SRC: variants seen among roughly 807,000 people sequenced by gnomAD.
SRC encodes SRC proto-oncogene, non-receptor tyrosine kinase.
In SRC, 13 loss-of-function variants were observed where a neutral mutation model predicts 62.9. The ratio of observed to expected loss-of-function variants is 0.21; its 90% CI spans 0.13 to 0.33. The LOEUF is 0.33. Ranked by LOEUF, SRC falls within the 10% of genes least tolerant of loss-of-function variation. The probability of loss-of-function intolerance (pLI) is 1.00; values close to 1 mark genes in which losing one functional copy is unlikely to be tolerated. For synonymous variants in SRC, 302 were observed against 317.5 expected (o/e 0.95, Z 0.52); for missense variants, 457 against 737.3 (o/e 0.62, Z 4.40).
At chr20:37,400,341 G>A (rs778107079) in intron 10 of SRC, 47 bp downstream of exon 10, 3 of 1,515,630 alleles carry the variant, frequency 2.0e-6, no homozygotes, top group Non-Finnish European at 8.9e-7. Flanking sequence ...CTCCGGACAG[G>A]GCAGGGAGCA....
At chr20:37,368,518 C>CTTTTTTTTTG (rs2070101694) in intron 2 of SRC, among the ~76,000 whole-genome samples, 1 of 73,898 alleles carries the variant, frequency 1.4e-5, no homozygotes. Context: ...CCTATATTTT[C>CTTTTTTTTTG]TTTTTTTTTT....
In SRC at chr20:37,397,405, C is replaced by CT. The variant is rs2070669586; in HGVS notation, c.704-293dup. 6.6e-6 allele frequency among the ~76,000 whole-genome samples: 1 copy of CT among 152,206 alleles called. No individual in the cohort carries two copies. The highest frequency in any genetic ancestry group is 2.1e-4 in the South Asian group (1 of 4,834). On this transcript the variant is annotated intron_variant, in intron 8 of 13. Transcript: ENST00000373578. This position sits in a 1 kb window ranked among gnomAD's most constrained non-coding sequence, Gnocchi z 4.1. Reference sequence around the variant, plus strand: ...GGGAAGTGGGGCTCCTCCCTGGACTCTGAGTTCCTGAGGGCAGGTTCCCTG... The same window carrying CT: ...GGGAAGTGGGGCTCCTCCCTGGACTCTTGAGTTCCTGAGGGCAGGTTCCCTG...
Position 37,405,676 on chromosome 20 carries a change from C to T in SRC, c.*2297C>T. 6.3e-6 allele frequency: 1 copy of T among 157,928 alleles called. No individual in the cohort carries two copies. 9.8% of individuals were successfully genotyped at this position (157,928 alleles called of 1,614,324 possible). A position where few individuals can be genotyped will look rare whatever the true frequency, so the allele number is the denominator to read the frequency against. ...AGGACTTCCCTGAGCATGACAAGTT[C>T]AGGACTCAAATGTCCGTGGTGGATG... On this transcript the variant is annotated 3_prime_UTR_variant, in exon 14 of 14. Coordinates refer to ENST00000373578, the MANE Select transcript of SRC (RefSeq NM_198291.3).
intron 1 of SRC, among the ~76,000 whole-genome samples, chr20:37,362,389 T>C (rs6018027): frequency 0.42 from 63,670 of 151,950 alleles, 18,108 homozygotes; most frequent in African/African-American, 0.81. Context: ...AAGCCTTCCA[T>C]TCAGCCACGT....
chr20:37,379,589 T>G (rs1037372502), intron 2 of SRC, among the ~76,000 whole-genome samples: 2 of 151,654 alleles, frequency 1.3e-5, no homozygotes, highest in African/African-American at 4.8e-5. Context: ...CCGGGAGTGG[T>G]GGCACTCACC....
chr20:37,364,368 G>A (rs1403999297), intron 1 of SRC, among the ~76,000 whole-genome samples: 2 of 152,178 alleles, frequency 1.3e-5, no homozygotes, highest in Non-Finnish European at 2.9e-5. Context: ...GAGCTCGTAA[G>A]CATGGTGCCC....
At chr20:37,372,139 C>A (rs1209595608) in intron 2 of SRC, among the ~76,000 whole-genome samples, 5 of 151,932 alleles carry the variant, frequency 3.3e-5, no homozygotes, top group Non-Finnish European at 7.4e-5. Context: ...CTGGGACTAC[C>A]GGCAGGTGCC....
intron 7 of SRC, among the ~76,000 whole-genome samples, chr20:37,394,600 G>A (rs1023019429): frequency 1.3e-5 from 2 of 152,072 alleles, no homozygotes; most frequent in African/African-American, 2.4e-5. Flanking sequence ...AATGAGCCCC[G>A]CTTCTTCCTC....
Position 37,404,256 on chromosome 20 carries a change from C to T in SRC, c.*877C>T, listed in dbSNP as rs1779338447. 4.3e-6 allele frequency: 1 copy of T among 233,636 alleles called. No individual in the cohort carries two copies. Among genetic ancestry groups the T allele is most frequent in the Non-Finnish European group, 8.5e-6 (1 of 118,050 alleles). 14.5% of individuals were successfully genotyped at this position (233,636 alleles called of 1,614,324 possible). A position where few individuals can be genotyped will look rare whatever the true frequency, so the allele number is the denominator to read the frequency against. On this transcript the variant is annotated 3_prime_UTR_variant, in exon 14 of 14. Transcript: ENST00000373578. Reference sequence around the variant, plus strand: ...ATTCCCACTGCCGCTGCCCGCTCAGCCCAGCTGTTGGGAACAGCATGGAGG... The same window carrying T: ...ATTCCCACTGCCGCTGCCCGCTCAGTCCAGCTGTTGGGAACAGCATGGAGG...
chr20:37,381,053 C>T lies in SRC; in HGVS notation c.-172-1566C>T, dbSNP rs781423099. ...TAGAGAGGAAAACTGAGGCGAAGGG[C>T]GGCCGGCCAGGATTCAAACCAGGGA... On this transcript the variant is annotated intron_variant, in intron 2 of 13. Coordinates refer to ENST00000373578, the MANE Select transcript of SRC (RefSeq NM_198291.3). 3.3e-5 allele frequency among the ~76,000 whole-genome samples: 5 copies of T among 152,066 alleles called. No homozygotes were observed. In the South Asian group the frequency reaches 6.2e-4, roughly 19 times the overall value.
chr20:37,366,815 A>G (rs1202233488), intron 2 of SRC, among the ~76,000 whole-genome samples: 1 of 152,150 alleles, frequency 6.6e-6, no homozygotes, highest in Non-Finnish European at 1.5e-5. Context: ...TATTATGGGT[A>G]ATGCTGTTCT....
intron 1 of SRC, among the ~76,000 whole-genome samples, chr20:37,348,728 G>A (rs538157542): frequency 6.6e-5 from 10 of 152,266 alleles, no homozygotes; most frequent in Non-Finnish European, 1.3e-4. Context: ...GAATCTGGAG[G>A]GTGAGCAAAG....
At chr20:37,362,331 G>T (rs2069987541) in intron 1 of SRC, among the ~76,000 whole-genome samples, 1 of 152,094 alleles carries the variant, frequency 6.6e-6, no homozygotes, top group Admixed American at 6.6e-5. Flanking sequence ...GAGTCACTGG[G>T]ATTACAGGTG....
Position 37,396,273 on chromosome 20 carries a change from A to G in SRC, c.665A>G (p.Gln222Arg). The stretch of plus-strand genomic sequence containing the variant: ...GGCTTCTACATCACCTCCCGCACCC[A>G]GTTCAACAGCCTGCAGCAGCTGGTG... ...SGGFYITSRT[Q>R]FNSLQQLVAY... is the part of the protein sequence containing the mutation. Residue 222 changes from glutamine (Q) to arginine (R), a missense_variant, in exon 8 of 14, where the codon CAG becomes CGG. Gln to Arg is a conservative substitution (Grantham distance 43, BLOSUM62 1). Transcript: ENST00000373578. The surrounding 1 kb of genome is among the most constrained non-coding windows in gnomAD (Gnocchi z 6.1). 2 of 1,613,762 alleles carry G rather than the reference A, an allele frequency of 1.2e-6. No individual in the cohort carries two copies. The highest frequency in any genetic ancestry group is 1.7e-6 in the Non-Finnish European group (2 of 1,179,948).
chr20:37,385,700 A>G (rs1406718562), intron 4 of SRC, among the ~76,000 whole-genome samples: 1 of 152,192 alleles, frequency 6.6e-6, no homozygotes, highest in African/African-American at 2.4e-5. Context: ...CCTTCAGCCT[A>G]TAGCTCTTTC....
Position 37,402,178 on chromosome 20 carries a change from C to T in SRC, c.1117-257C>T. 1 of 445,752 alleles carries T rather than the reference C, an allele frequency of 2.2e-6. No homozygotes were observed. The highest frequency in any genetic ancestry group is 4.0e-6 in the Non-Finnish European group (1 of 251,070). The allele number at this position is 445,752 out of a possible 1,614,324, so 27.6% of individuals were successfully genotyped here. A position where few individuals can be genotyped will look rare whatever the true frequency, so the allele number is the denominator to read the frequency against. ...CTCTTTCCCTGGTCACCTCGCTTTCCTGGCTGCATCGGATCTCGTGCCTCC... is the reference window on the plus strand; with the variant it reads ...CTCTTTCCCTGGTCACCTCGCTTTCTTGGCTGCATCGGATCTCGTGCCTCC... On this transcript the variant is annotated intron_variant, in intron 11 of 13. Transcript: ENST00000373578. The surrounding 1 kb of genome is among the most constrained non-coding windows in gnomAD (Gnocchi z 6.2).
At position 37,398,577 on chromosome 20, in the gene SRC, G is replaced by GC. The variant is rs1204226279; in HGVS notation, c.859+724dup. ...CCCTCCAGAGGGCTGATGGAGGAGA[G>GC]CAGAGCGGCCTCCTGGGTGGAAGGC... On this transcript the variant is annotated intron_variant, in intron 9 of 13. Coordinates refer to ENST00000373578, the MANE Select transcript of SRC (RefSeq NM_198291.3). This position sits in a 1 kb window ranked among gnomAD's most constrained non-coding sequence, Gnocchi z 5.2. Among the ~76,000 whole-genome samples, 2 of 152,226 alleles carry GC rather than the reference G, an allele frequency of 1.3e-5. No homozygotes were observed. Among genetic ancestry groups the GC allele is most frequent in the African/African-American group, 4.8e-5 (2 of 41,460 alleles).
chr20:37,345,815 G>A (rs2069707356), upstream of SRC, among the ~76,000 whole-genome samples: 1 of 152,066 alleles, frequency 6.6e-6, no homozygotes, highest in Non-Finnish European at 1.5e-5. Flanking sequence ...TAGAAGGTGG[G>A]TGGGTTGGGG....
At chr20:37,352,436 C>T (rs1202611250) in intron 1 of SRC, among the ~76,000 whole-genome samples, 2 of 152,294 alleles carry the variant, frequency 1.3e-5, no homozygotes, top group South Asian at 2.1e-4. Context: ...TAACTAGAAA[C>T]AGACAAGCTT....
Sources: gnomAD v4.1 joint callset for allele counts (sites outside exome capture counted in the v4.1 genomes callset) on GRCh38, gnomAD v4.1.1 for gene constraint, Gnocchi (gnomAD v3.1) non-coding constraint, MANE v1.5 for transcripts, NCBI Gene and HGNC (gene_info 2026-07-23, HGNC 2026-07-21) for gene names.